CAST: variants seen among roughly 807,000 people sequenced by gnomAD.
CAST encodes the protein calpastatin.
A neutral mutation model predicts 119.6 loss-of-function variants in CAST; 76 were observed. That is an observed-to-expected ratio of 0.64 (90% confidence interval 0.53 to 0.77). The LOEUF is 0.77. CAST is among the 30% of genes least tolerant of loss of function. CAST has a pLI of 0.00. For synonymous variants in CAST, 319 were observed against 331.6 expected (o/e 0.96, Z 0.41); for missense variants, 953 against 946.5 (o/e 1.01, Z -0.09).
At chr5:96,219,872 T>A in the CAST span, among the ~76,000 whole-genome samples, 1 of 152,090 alleles carries the variant, frequency 6.6e-6, no homozygotes, top group African/African-American at 2.4e-5. Flanking sequence ...TTAAATTCCT[T>A]CTCATTGTCT....
intron 3 of CAST, among the ~76,000 whole-genome samples, chr5:96,717,856 G>T (rs1757459090): frequency 6.6e-6 from 1 of 152,198 alleles, no homozygotes; most frequent in African/African-American, 2.4e-5. Context: ...TATTTCATCA[G>T]TGCGGAAACA....
intron 4 of CAST, 118 bp from the exon 5 acceptor site, chr5:96,726,676 C>T (rs554290872): frequency 1.0e-4 from 69 of 663,538 alleles, no homozygotes; most frequent in East Asian, 3.3e-4. Flanking sequence ...ACATATGCAT[C>T]GAGTAGATGC....
chr5:96,533,792 A>C (rs1745734728), intron 1 of CAST, among the ~76,000 whole-genome samples: 1 of 152,250 alleles, frequency 6.6e-6, no homozygotes, highest in Non-Finnish European at 1.5e-5. Flanking sequence ...AGAAGTGTGC[A>C]TAAACTACAG....
At chr5:96,590,215 G>A (rs1746938860) in intron 1 of CAST, among the ~76,000 whole-genome samples, 1 of 152,180 alleles carries the variant, frequency 6.6e-6, no homozygotes, top group Admixed American at 6.5e-5. Context: ...GAACTTGTTA[G>A]AAATGCAGCA....
chr5:96,761,332 C>T (rs982378600), intron 24 of CAST: 2 of 152,110 alleles, frequency 1.3e-5, no homozygotes, highest in Non-Finnish European at 2.9e-5. Flanking sequence ...TTTCTCATAA[C>T]TAAAAATGAA....
the CAST span, among the ~76,000 whole-genome samples, chr5:96,139,556 A>ATATGTG: frequency 2.0e-5 from 3 of 147,132 alleles, no homozygotes; most frequent in Non-Finnish European, 4.5e-5. Context: ...ATGTATATAT[A>ATATGTG]TGTGTGTGTG....
upstream of CAST, among the ~76,000 whole-genome samples, chr5:96,524,091 A>G (rs899416835): frequency 1.3e-5 from 2 of 152,230 alleles, no homozygotes; most frequent in Admixed American, 6.5e-5. Context: ...TACAGGGAGC[A>G]GGGATAGATC....
chr5:96,192,396 ATAACTT>A, the CAST span, among the ~76,000 whole-genome samples: 1 of 152,236 alleles, frequency 6.6e-6, no homozygotes, highest in Non-Finnish European at 1.5e-5. Context: ...AAGATTAACA[ATAACTT>A]TAATATTTTA....
chr5:96,661,378 T>C (rs1017953866), upstream of CAST, among the ~76,000 whole-genome samples: 4 of 124,460 alleles, frequency 3.2e-5, no homozygotes, highest in African/African-American at 6.3e-5. Flanking sequence ...CGAGCAGAGA[T>C]CGCGCCACTG....
the CAST span, among the ~76,000 whole-genome samples, chr5:96,411,892 C>T: frequency 6.6e-6 from 1 of 152,218 alleles, no homozygotes; most frequent in South Asian, 2.1e-4. Context: ...TCACTGCTAC[C>T]TCCGCCTTCT....
intron 2 of CAST, among the ~76,000 whole-genome samples, chr5:96,691,771 A>C (rs1417182087): frequency 6.6e-6 from 1 of 152,256 alleles, no homozygotes; most frequent in East Asian, 1.9e-4. Context: ...TTGGTGGAAC[A>C]GGACTCTTGC....
At chr5:96,769,089 A>C (rs1771163422) in intron 29 of CAST, 1 of 152,204 alleles carries the variant, frequency 6.6e-6, no homozygotes, top group Admixed American at 6.5e-5. Context: ...TGTAAATCAA[A>C]TAGAAGGAAA....
chr5:96,604,678 G>A (rs1747218596), intron 1 of CAST, among the ~76,000 whole-genome samples: 1 of 152,216 alleles, frequency 6.6e-6, no homozygotes. Context: ...AGAATCCACT[G>A]GGATGGTGGC....
rs200130365 is a variant in CAST at position 96,743,583 on chromosome 5, A to G, written c.1200+827A>G. On this transcript the variant is annotated intron_variant, in intron 16 of 31. Transcript: ENST00000675179. ...TCATCAGGGAAGGGGAGTCTCCCTG[A>G]CTTCCAGCAACAATCCTTGAGTCTG... 5.5e-4 allele frequency: 870 copies of G among 1,593,846 alleles called. 2 individuals carry two copies. The highest frequency in any genetic ancestry group is 1.5e-3 in the Admixed American group (85 of 57,310).
chr5:96,135,778 G>T, the CAST span, among the ~76,000 whole-genome samples: 15 of 152,034 alleles, frequency 9.9e-5, no homozygotes, highest in Non-Finnish European at 2.1e-4. Context: ...TGTATATGAG[G>T]CCAGGCATAG....
At chr5:96,540,975 G>T (rs1358991545) in intron 1 of CAST, among the ~76,000 whole-genome samples, 2 of 152,126 alleles carry the variant, frequency 1.3e-5, no homozygotes, top group African/African-American at 2.4e-5. Context: ...TTTTTGTCAG[G>T]TTTGTCCACT....
chr5:96,153,113 C>G, the CAST span, among the ~76,000 whole-genome samples: 1 of 152,160 alleles, frequency 6.6e-6, no homozygotes, highest in African/African-American at 2.4e-5. Context: ...CAAAAATCAG[C>G]CTTCAAATTG....
chr5:96,130,568 T>C, the CAST span, among the ~76,000 whole-genome samples: 1 of 151,990 alleles, frequency 6.6e-6, no homozygotes, highest in African/African-American at 2.4e-5. Context: ...ATGTTAAAAA[T>C]AGGAGAAACT....
the CAST span, among the ~76,000 whole-genome samples, chr5:96,149,231 A>G: frequency 0.33 from 50,215 of 151,800 alleles, 8,516 homozygotes; most frequent in Middle Eastern, 0.39. Context: ...GTAAGGCAAG[A>G]CTCCCTCCAT....
Sources: allele counts gnomAD v4.1 joint callset (sites outside exome capture counted in the v4.1 genomes callset), GRCh38; gene constraint gnomAD v4.1.1; transcripts MANE v1.5; gene names NCBI Gene and HGNC (gene_info 2026-07-23, HGNC 2026-07-21).